Variants in RHOU observed in about 807,000 individuals in gnomAD.
RHOU encodes the protein rho-related GTP-binding protein RhoU.
A neutral mutation model predicts 12.6 loss-of-function variants in RHOU; 8 were observed. The observed-to-expected ratio is 0.64, with a 90% CI of 0.37 to 1.15. The LOEUF is 1.15. Ranked by LOEUF, RHOU falls within the 50% of genes most tolerant of loss-of-function variation. RHOU has a pLI of 0.01. For synonymous variants in RHOU, 161 were observed against 147.4 expected, an observed-to-expected ratio of 1.09 and a Z score of -0.67; for missense variants, 258 against 347.0, an observed-to-expected ratio of 0.74 and a Z score of 2.04.
At chr1:228,681,218 T>C in the RHOU span, among the ~76,000 whole-genome samples, 1 of 152,058 alleles carries the variant, frequency 6.6e-6, no homozygotes, top group African/African-American at 2.4e-5. Context: ...CAGCCACCTC[T>C]CTAAGAGGAA....
chr1:228,673,039 A>G, the RHOU span, among the ~76,000 whole-genome samples: 283 of 152,238 alleles, frequency 1.9e-3, no homozygotes, highest in African/African-American at 6.6e-3. Context: ...TTTTATTTTT[A>G]CTTGATTAAA....
the RHOU span, among the ~76,000 whole-genome samples, chr1:228,718,313 A>G: frequency 3.9e-5 from 6 of 152,338 alleles, no homozygotes; most frequent in East Asian, 9.6e-4. Context: ...GACAGATGGA[A>G]TCTACAATTA....
chr1:228,684,818 T>C, the RHOU span, among the ~76,000 whole-genome samples: 1 of 152,184 alleles, frequency 6.6e-6, no homozygotes. Flanking sequence ...AACGTGGTGC[T>C]GTTCCAGGAA....
chr1:228,649,086 A>C, the RHOU span, among the ~76,000 whole-genome samples: 1 of 152,102 alleles, frequency 6.6e-6, no homozygotes, highest in Non-Finnish European at 1.5e-5. Context: ...TCCTGTCTCA[A>C]ACTCCAGACC....
At chr1:228,647,176 T>G in the RHOU span, among the ~76,000 whole-genome samples, 1 of 152,280 alleles carries the variant, frequency 6.6e-6, no homozygotes, top group South Asian at 2.1e-4. Flanking sequence ...AGGCGGCCCG[T>G]GCGAGAGGAC....
the RHOU span, among the ~76,000 whole-genome samples, chr1:228,716,197 C>A: frequency 6.6e-6 from 1 of 152,078 alleles, no homozygotes; most frequent in African/African-American, 2.4e-5. Flanking sequence ...GGATTACAGG[C>A]GTCAGCCACC....
the RHOU span, among the ~76,000 whole-genome samples, chr1:228,656,650 A>G: frequency 6.6e-6 from 1 of 152,204 alleles, no homozygotes; most frequent in Non-Finnish European, 1.5e-5. Context: ...CCTAAATGCA[A>G]TTCCTATGGG....
the RHOU span, among the ~76,000 whole-genome samples, chr1:228,677,064 T>G: frequency 1.3e-5 from 2 of 151,946 alleles, no homozygotes; most frequent in African/African-American, 2.4e-5. Flanking sequence ...GAAAATTTTT[T>G]GGGGTGGTAT....
At chr1:228,731,487 G>C (rs1479429818), upstream of RHOU, among the ~76,000 whole-genome samples, 1 of 152,164 alleles carries the variant, frequency 6.6e-6, no homozygotes, top group African/African-American at 2.4e-5. Flanking sequence ...GGAGGCTATG[G>C]AACACAAAAA....
At chr1:228,676,325 A>T in the RHOU span, among the ~76,000 whole-genome samples, 24 of 152,174 alleles carry the variant, frequency 1.6e-4, no homozygotes, top group Middle Eastern at 3.4e-3. Flanking sequence ...AGGGGTTCAC[A>T]TTCCTCAGAT....
rs762434826 is a variant in RHOU at position 228,743,757 on chromosome 1, A to C, written c.*17A>C. The C allele has an allele frequency of 5.7e-6, 9 of 1,591,554 alleles. No homozygotes were observed. The highest frequency in any genetic ancestry group is 7.7e-6 in the Non-Finnish European group (9 of 1,169,300). ...TTCGTATGATGCTGGCAAGACACCC[A>C]GAAAGGCTATTTTCAGATGAAATCG... On this transcript the variant is annotated 3_prime_UTR_variant, in exon 3 of 3. Transcript: ENST00000366691. The surrounding 1 kb of genome is among the most constrained non-coding windows in gnomAD (Gnocchi z 5.1).
the RHOU span, among the ~76,000 whole-genome samples, chr1:228,658,145 T>A: frequency 6.6e-6 from 1 of 151,962 alleles, no homozygotes; most frequent in African/African-American, 2.4e-5. Flanking sequence ...GTGGGCATGG[T>A]GGTGCAGGCC....
At chr1:228,692,232 C>T in the RHOU span, among the ~76,000 whole-genome samples, 2 of 152,196 alleles carry the variant, frequency 1.3e-5, no homozygotes, top group Non-Finnish European at 2.9e-5. Flanking sequence ...CCAACAGATA[C>T]TTGGAGCAGA....
the RHOU span, among the ~76,000 whole-genome samples, chr1:228,647,053 G>T: frequency 6.6e-6 from 1 of 152,178 alleles, no homozygotes; most frequent in African/African-American, 2.4e-5. Flanking sequence ...GGGAGCTAGA[G>T]AGCGAGAACG....
At chr1:228,684,294 C>T in the RHOU span, among the ~76,000 whole-genome samples, 52 of 152,152 alleles carry the variant, frequency 3.4e-4, no homozygotes, top group African/African-American at 1.3e-3. Context: ...GCCTCAGCCT[C>T]CCACTGTGCT....
chr1:228,667,646 T>C, the RHOU span, among the ~76,000 whole-genome samples: 1 of 152,198 alleles, frequency 6.6e-6, no homozygotes, highest in Non-Finnish European at 1.5e-5. Flanking sequence ...AATCGACCCA[T>C]GTTTTCAATG....
chr1:228,647,137 G>T, the RHOU span, among the ~76,000 whole-genome samples: 1 of 152,122 alleles, frequency 6.6e-6, no homozygotes, highest in Non-Finnish European at 1.5e-5. Flanking sequence ...AGGGTGGAGG[G>T]GTTTGAGCTG....
At chr1:228,671,532 T>C in the RHOU span, among the ~76,000 whole-genome samples, 4 of 151,528 alleles carry the variant, frequency 2.6e-5, no homozygotes, top group Non-Finnish European at 5.9e-5. Flanking sequence ...GCCTGGCCAA[T>C]GTGGTGAAAC....
the RHOU span, among the ~76,000 whole-genome samples, chr1:228,647,633 A>T: frequency 1.3e-5 from 2 of 152,216 alleles, no homozygotes; most frequent in South Asian, 2.1e-4. Context: ...TGCCTGGTGG[A>T]TCCGGGAGCG....
Sources: gnomAD v4.1 joint callset for allele counts (sites outside exome capture counted in the v4.1 genomes callset) on GRCh38, gnomAD v4.1.1 for gene constraint, Gnocchi (gnomAD v3.1) non-coding constraint, MANE v1.5 for transcripts, NCBI Gene and HGNC (gene_info 2026-07-23, HGNC 2026-07-21) for gene names.